CCDC192: variants seen among roughly 807,000 people sequenced by gnomAD.
The protein encoded by CCDC192 is coiled-coil domain-containing protein 192.
intron 2 of CCDC192, among the ~76,000 whole-genome samples, chr5:127,733,379 A>C (rs1396671491): frequency 6.6e-6 from 1 of 152,144 alleles, no homozygotes; most frequent in African/African-American, 2.4e-5. Context: ...ACCCCATTTC[A>C]TCATCACAGC....
At chr5:127,767,150 T>C (rs1488299026) in intron 3 of CCDC192, among the ~76,000 whole-genome samples, 1 of 152,178 alleles carries the variant, frequency 6.6e-6, no homozygotes, top group Admixed American at 6.5e-5. Flanking sequence ...CCCTGTTCCA[T>C]GAAAATGCTC....
intron 5 of CCDC192, among the ~76,000 whole-genome samples, chr5:127,855,910 C>T (rs1210189061): frequency 6.6e-6 from 1 of 152,270 alleles, no homozygotes; most frequent in South Asian, 2.1e-4. Context: ...CAGACTTTGT[C>T]GTTCCATTTA....
chr5:127,734,201 T>C (rs1235511862), intron 2 of CCDC192, among the ~76,000 whole-genome samples: 4 of 151,064 alleles, frequency 2.6e-5, no homozygotes, highest in Admixed American at 6.6e-5. Flanking sequence ...CTTGCGATAG[T>C]TTACTGAGAA....
At chr5:127,760,162 A>G (rs1037106077) in intron 3 of CCDC192, among the ~76,000 whole-genome samples, 1 of 152,116 alleles carries the variant, frequency 6.6e-6, no homozygotes, top group Non-Finnish European at 1.5e-5. Context: ...ATTTTTCAAC[A>G]TAAGCTTCAT....
intron 6 of CCDC192, among the ~76,000 whole-genome samples, chr5:127,889,546 AG>A (rs1472428942): frequency 2.6e-5 from 4 of 151,674 alleles, no homozygotes; most frequent in Admixed American, 2.0e-4. Context: ...GGCTTACAGG[AG>A]CTCGCCACCA....
chr5:127,756,246 C>A (rs549642738), intron 3 of CCDC192, among the ~76,000 whole-genome samples: 2 of 152,220 alleles, frequency 1.3e-5, no homozygotes, highest in East Asian at 1.9e-4. Flanking sequence ...TAGACAGAAT[C>A]GATTTATCAA....
chr5:127,726,177 T>G (rs1032304255), intron 2 of CCDC192, among the ~76,000 whole-genome samples: 2 of 152,130 alleles, frequency 1.3e-5, no homozygotes, highest in Admixed American at 6.5e-5. Context: ...AAAATAAATA[T>G]ATGTTATCTT....
intron 5 of CCDC192, among the ~76,000 whole-genome samples, chr5:127,802,052 T>C (rs1033165624): frequency 6.6e-6 from 1 of 152,194 alleles, no homozygotes; most frequent in African/African-American, 2.4e-5. Context: ...GGTTTCAGTT[T>C]GTTAAGTAGG....
chr5:127,754,538 A>C (rs946869199), intron 3 of CCDC192, among the ~76,000 whole-genome samples, 163 bp downstream of exon 3: 248 of 148,716 alleles, frequency 1.7e-3, no homozygotes, highest in African/African-American at 6.0e-3. Flanking sequence ...CCCACCCCAC[A>C]CACACACAGC....
At chr5:127,796,412 C>G (rs553657416) in intron 3 of CCDC192, among the ~76,000 whole-genome samples, 39 of 152,138 alleles carry the variant, frequency 2.6e-4, no homozygotes, top group African/African-American at 8.9e-4. Flanking sequence ...TGTTGCTGAC[C>G]TATAGAGAAA....
chr5:127,829,550 A>C (rs28521932), intron 5 of CCDC192, among the ~76,000 whole-genome samples: 1 of 152,238 alleles, frequency 6.6e-6, no homozygotes, highest in Admixed American at 6.5e-5. Context: ...TTGCTATAGG[A>C]GGAGCTAGGT....
At chr5:127,871,385 G>A (rs964807071) in intron 5 of CCDC192, among the ~76,000 whole-genome samples, 1 of 152,100 alleles carries the variant, frequency 6.6e-6, no homozygotes, top group African/African-American at 2.4e-5. Flanking sequence ...TTTCTGTAAC[G>A]TTTCAATTCT....
intron 6 of CCDC192, among the ~76,000 whole-genome samples, chr5:127,925,005 A>T (rs115011701): frequency 6.6e-6 from 1 of 152,212 alleles, no homozygotes; most frequent in African/African-American, 2.4e-5. Context: ...ATTTTGATTT[A>T]TGTACAATAC....
At chr5:127,730,477 A>G (rs1035463544) in intron 2 of CCDC192, among the ~76,000 whole-genome samples, 1 of 152,206 alleles carries the variant, frequency 6.6e-6, no homozygotes, top group Admixed American at 6.5e-5. Context: ...TTCTGAAACT[A>G]TTCCAAGCAA....
At chr5:127,900,009 A>T (rs1438563982) in intron 6 of CCDC192, among the ~76,000 whole-genome samples, 1 of 152,196 alleles carries the variant, frequency 6.6e-6, no homozygotes, top group Non-Finnish European at 1.5e-5. Context: ...GTTTAGCATC[A>T]TGTGTAGATT....
At chr5:127,892,272 A>G (rs566390698) in intron 6 of CCDC192, among the ~76,000 whole-genome samples, 1 of 152,226 alleles carries the variant, frequency 6.6e-6, no homozygotes, top group Non-Finnish European at 1.5e-5. Flanking sequence ...ATAGAAACAC[A>G]TGATTTCAAA....
chr5:127,800,300 C>A (rs1487239890), intron 5 of CCDC192, among the ~76,000 whole-genome samples: 2 of 131,678 alleles, frequency 1.5e-5, no homozygotes, highest in Admixed American at 1.8e-4. Context: ...GATTAGAGAT[C>A]TGTAGTGTTT....
At chr5:127,861,306 C>A (rs1488926528) in intron 5 of CCDC192, among the ~76,000 whole-genome samples, 9 of 151,156 alleles carry the variant, frequency 6.0e-5, no homozygotes, top group African/African-American at 2.2e-4. Flanking sequence ...CCGTGCCTGG[C>A]CCATCTTGGG....
intron 2 of CCDC192, among the ~76,000 whole-genome samples, chr5:127,722,955 C>T (rs114532850): frequency 0.031 from 4,782 of 152,052 alleles, 247 homozygotes; most frequent in African/African-American, 0.11. Context: ...TTTATGGTTC[C>T]GCACAAATCT....
Sources: gnomAD v4.1 joint callset for allele counts (sites outside exome capture counted in the v4.1 genomes callset) on GRCh38, gnomAD v4.1.1 for gene constraint, MANE v1.5 for transcripts, NCBI Gene and HGNC (gene_info 2026-07-23, HGNC 2026-07-21) for gene names.